GRIA4: variants seen among roughly 807,000 people sequenced by gnomAD.
GRIA4 encodes glutamate ionotropic receptor AMPA type subunit 4.
GRIA4 carries 34 observed loss-of-function variants against 104.0 expected under a neutral mutation model. The observed-to-expected ratio is 0.33, with a 90% confidence interval of 0.25 to 0.44. The LOEUF (loss-of-function observed/expected upper bound fraction) is 0.44, where lower values mean the gene tolerates loss of function less well. GRIA4 is among the 20% of genes least tolerant of loss of function. GRIA4 has a pLI of 1.00. For synonymous variants in GRIA4, 386 were observed against 381.9 expected, an observed-to-expected ratio of 1.01 and a Z score of -0.13; for missense variants, 750 against 1,096.5, an observed-to-expected ratio of 0.68 and a Z score of 4.46.
At chr11:105,780,279 C>A (rs1476226378) in intron 4 of GRIA4, among the ~76,000 whole-genome samples, 1 of 152,118 alleles carries the variant, frequency 6.6e-6, no homozygotes, top group Non-Finnish European at 1.5e-5. Flanking sequence ...GGCAACAGAC[C>A]TGAATAATAG....
At chr11:105,956,837 T>G (rs1002437447) in intron 14 of GRIA4, among the ~76,000 whole-genome samples, 1 of 152,252 alleles carries the variant, frequency 6.6e-6, no homozygotes, top group African/African-American at 2.4e-5. Flanking sequence ...GTGATTTTGA[T>G]TAGCATTTCT....
chr11:105,753,170 T>G lies in GRIA4; in HGVS notation c.437T>G (p.Leu146Arg). The part of the protein sequence containing the change: ...PSLRGALLSL[L>R]DHYEWNCFVF... The stretch of plus-strand genomic sequence containing the variant: ...TTACGAGGAGCACTCTTGAGTTTGC[T>G]GGATCACTACGAATGGAACTGTTTT... The change falls in exon 4 of 17, where the codon CTG becomes CGG. Residue 146 changes from leucine (L) to arginine (R), a missense_variant. Coordinates refer to ENST00000282499, the MANE Select transcript of GRIA4 (RefSeq NM_000829.4). The G allele has an allele frequency of 6.2e-7, 1 of 1,613,726 alleles. No homozygotes were observed. The highest frequency in any genetic ancestry group is 8.5e-7 in the Non-Finnish European group (1 of 1,179,678).
chr11:105,747,348 T>C (rs2135675653), intron 3 of GRIA4, among the ~76,000 whole-genome samples: 1 of 152,170 alleles, frequency 6.6e-6, no homozygotes, highest in South Asian at 2.1e-4. Flanking sequence ...TAAATACGAA[T>C]TAGAACACAC....
intron 14 of GRIA4, among the ~76,000 whole-genome samples, chr11:105,961,711 C>T (rs898778095): frequency 3.3e-5 from 5 of 152,168 alleles, no homozygotes; most frequent in African/African-American, 1.2e-4. Context: ...AAAGGAAATG[C>T]ACATTGTAGC....
intron 13 of GRIA4, among the ~76,000 whole-genome samples, chr11:105,927,192 A>C (rs1947732026): frequency 6.6e-6 from 1 of 152,170 alleles, no homozygotes; most frequent in African/African-American, 2.4e-5. Context: ...AAACAACTTT[A>C]TAACATAATT....
chr11:105,769,371 A>C (rs1469809836), intron 4 of GRIA4, among the ~76,000 whole-genome samples: 1 of 152,010 alleles, frequency 6.6e-6, no homozygotes, highest in Non-Finnish European at 1.5e-5. Context: ...GATCTTAAAG[A>C]CTAAGATTTC....
chr11:105,745,992 C>G (rs1351615635), intron 3 of GRIA4, among the ~76,000 whole-genome samples: 1 of 152,092 alleles, frequency 6.6e-6, no homozygotes, highest in Non-Finnish European at 1.5e-5. Flanking sequence ...ACATTTCCCT[C>G]TTCCAATATT....
chr11:105,859,907 T>G (rs2000541), intron 4 of GRIA4, among the ~76,000 whole-genome samples: 1 of 152,236 alleles, frequency 6.6e-6, no homozygotes, highest in African/African-American at 2.4e-5. Flanking sequence ...CATAAGCCCC[T>G]GCAACAGAAT....
intron 4 of GRIA4, among the ~76,000 whole-genome samples, chr11:105,856,606 A>C (rs936316081): frequency 6.6e-6 from 1 of 152,160 alleles, no homozygotes; most frequent in Non-Finnish European, 1.5e-5. Context: ...AAATATATTT[A>C]TTCTGACTGT....
At chr11:105,785,444 A>G (rs1941917665) in intron 4 of GRIA4, among the ~76,000 whole-genome samples, 1 of 152,238 alleles carries the variant, frequency 6.6e-6, no homozygotes, top group Non-Finnish European at 1.5e-5. Flanking sequence ...GTAAATAAAT[A>G]GAACACCAGT....
intron 4 of GRIA4, among the ~76,000 whole-genome samples, chr11:105,836,120 C>G (rs1944174245): frequency 6.6e-6 from 1 of 151,952 alleles, no homozygotes; most frequent in African/African-American, 2.4e-5. Flanking sequence ...TAGAAATAGG[C>G]TCTTAGAAAA....
At chr11:105,762,515 TG>T (rs1940711243) in intron 4 of GRIA4, among the ~76,000 whole-genome samples, 1 of 152,218 alleles carries the variant, frequency 6.6e-6, no homozygotes, top group Non-Finnish European at 1.5e-5. Flanking sequence ...AATATTTACT[TG>T]CCACAGATGT....
chr11:105,645,628 T>A (rs1376567114), intron 3 of GRIA4, among the ~76,000 whole-genome samples: 1 of 152,150 alleles, frequency 6.6e-6, no homozygotes, highest in Non-Finnish European at 1.5e-5. Context: ...AAAACTTCCT[T>A]TAAAAATGAC....
intron 3 of GRIA4, among the ~76,000 whole-genome samples, chr11:105,699,507 C>T (rs759962017): frequency 9.9e-5 from 15 of 152,108 alleles, no homozygotes; most frequent in Non-Finnish European, 2.1e-4. Context: ...TCTTTCAGTC[C>T]GTTCTGCCAG....
intron 6 of GRIA4, among the ~76,000 whole-genome samples, chr11:105,890,469 A>G (rs1481942765): frequency 6.6e-6 from 1 of 152,212 alleles, no homozygotes; most frequent in Non-Finnish European, 1.5e-5. Flanking sequence ...CTCTGGCATT[A>G]TTTTAAATTG....
chr11:105,716,150 C>T (rs1195811877), intron 3 of GRIA4, among the ~76,000 whole-genome samples: 1 of 152,028 alleles, frequency 6.6e-6, no homozygotes, highest in African/African-American at 2.4e-5. Context: ...ACCCTTTTTT[C>T]ACATATGCAA....
Position 105,979,837 on chromosome 11 carries a change from A to G in GRIA4, c.*98A>G, listed in dbSNP as rs1362694034. Reference sequence around the variant, plus strand: ...CCACGCGCGGGTCTTTGCTAAACCAATCCTTTGGCTGAGAGCGGGAAGTCC... The same window carrying G: ...CCACGCGCGGGTCTTTGCTAAACCAGTCCTTTGGCTGAGAGCGGGAAGTCC... On this transcript the variant is annotated 3_prime_UTR_variant, in exon 17 of 17. Transcript: ENST00000282499. 5 of 845,412 alleles carry G rather than the reference A, an allele frequency of 5.9e-6. No individual in the cohort carries two copies. The highest frequency in any genetic ancestry group is 2.7e-5 in the East Asian group (1 of 37,222). 52.4% of individuals were successfully genotyped at this position (845,412 alleles called of 1,614,324 possible). A position where few individuals can be genotyped will look rare whatever the true frequency, so the allele number is the denominator to read the frequency against.
chr11:105,631,359 C>A (rs141303743), intron 3 of GRIA4, among the ~76,000 whole-genome samples: 6 of 152,238 alleles, frequency 3.9e-5, no homozygotes, highest in Admixed American at 1.3e-4. Flanking sequence ...GTCCATTACC[C>A]AGACTAATTT....
rs185485833 is a variant in GRIA4, at chr11:105,833,529, T to C, written c.488-28495T>C. 1.1e-4 allele frequency among the ~76,000 whole-genome samples: 16 copies of C among 152,022 alleles called. No individual in the cohort carries two copies. In the East Asian group the frequency reaches 2.3e-3, roughly 22 times the overall value. On this transcript the variant is annotated intron_variant, in intron 4 of 16. Coordinates refer to ENST00000282499, the MANE Select transcript of GRIA4 (RefSeq NM_000829.4). ...CAAAAAATAATGCTATTTTTATATA[T>C]AAAATAAATAAGTATTCTACCTGAA...
Sources: gnomAD v4.1 joint callset for allele counts (sites outside exome capture counted in the v4.1 genomes callset) on GRCh38, gnomAD v4.1.1 for gene constraint, MANE v1.5 for transcripts, NCBI Gene and HGNC (gene_info 2026-07-23, HGNC 2026-07-21) for gene names.